PPM1H: variants seen among roughly 807,000 people sequenced by gnomAD.
PPM1H encodes protein phosphatase, Mg2+/Mn2+ dependent 1H.
PPM1H carries 27 observed loss-of-function variants against 54.9 expected under a neutral mutation model. The ratio of observed to expected loss-of-function variants is 0.49; its 90% CI spans 0.36 to 0.68. The LOEUF (loss-of-function observed/expected upper bound fraction) is 0.68, where lower values mean the gene tolerates loss of function less well. PPM1H is among the 30% of genes least tolerant of loss of function. The pLI, the probability that PPM1H is intolerant of heterozygous loss-of-function variation, is 0.00. For synonymous variants in PPM1H, 305 were observed against 270.8 expected (o/e 1.13, Z -1.24); for missense variants, 596 against 667.8 (o/e 0.89, Z 1.19).
At chr12:62,831,718 TGTGTGTGTGTGA>T (rs923622797) in intron 2 of PPM1H, among the ~76,000 whole-genome samples, 10 of 142,074 alleles carry the variant, frequency 7.0e-5, no homozygotes, top group African/African-American at 2.4e-4. Flanking sequence ...TGTGTGTGTG[TGTGTGTGTGTGA>T]GTGTGTGTGT....
intron 8 of PPM1H, among the ~76,000 whole-genome samples, chr12:62,685,854 T>G (rs886850606): frequency 3.3e-5 from 5 of 152,164 alleles, no homozygotes; most frequent in African/African-American, 4.8e-5. Flanking sequence ...TAAACATATA[T>G]CAAAACGTTA....
At chr12:62,834,362 A>G (rs1868438378) in intron 1 of PPM1H, among the ~76,000 whole-genome samples, 1 of 152,236 alleles carries the variant, frequency 6.6e-6, no homozygotes, top group African/African-American at 2.4e-5. Flanking sequence ...GGCTACCTGC[A>G]TGATGGTTAA....
At chr12:62,928,973 G>T (rs1194525143) in intron 1 of PPM1H, among the ~76,000 whole-genome samples, 2 of 152,180 alleles carry the variant, frequency 1.3e-5, no homozygotes, top group Non-Finnish European at 1.5e-5. Flanking sequence ...AGCAGGGAAG[G>T]TCTTGGGCCT....
At chr12:62,722,976 C>T (rs997521139) in intron 5 of PPM1H, among the ~76,000 whole-genome samples, 4 of 152,152 alleles carry the variant, frequency 2.6e-5, no homozygotes, top group African/African-American at 9.7e-5. Context: ...CCCATTGTAA[C>T]CTGAAAATAT....
chr12:62,808,142 T>A (rs1014315863), intron 2 of PPM1H, among the ~76,000 whole-genome samples: 1 of 152,226 alleles, frequency 6.6e-6, no homozygotes, highest in Non-Finnish European at 1.5e-5. Flanking sequence ...ACCCATCCCA[T>A]CATTTAATAA....
At chr12:62,816,780 T>G (rs1480602342) in intron 2 of PPM1H, among the ~76,000 whole-genome samples, 1 of 151,802 alleles carries the variant, frequency 6.6e-6, no homozygotes, top group Non-Finnish European at 1.5e-5. Flanking sequence ...TTTATTGCCC[T>G]TGACAATGTT....
At chr12:62,812,813 C>T (rs3912983) in intron 2 of PPM1H, among the ~76,000 whole-genome samples, 9,769 of 149,478 alleles carry the variant, frequency 0.065, 434 homozygotes, top group Middle Eastern at 0.12. Flanking sequence ...CTGGAAAAGA[C>T]TCCTTGGGCC....
intron 5 of PPM1H, among the ~76,000 whole-genome samples, chr12:62,732,717 G>A (rs1215844419): frequency 1.3e-5 from 2 of 151,368 alleles, no homozygotes; most frequent in Non-Finnish European, 3.0e-5. Context: ...GACTACAGGC[G>A]CCCGCCACTA....
At chr12:62,918,495 C>T (rs889978731) in intron 1 of PPM1H, among the ~76,000 whole-genome samples, 2 of 152,198 alleles carry the variant, frequency 1.3e-5, no homozygotes, top group East Asian at 1.9e-4. Context: ...TGGTAAAGTA[C>T]ATTAAAGTAT....
At chr12:62,720,435 G>A in intron 5 of PPM1H, 146 bp from the exon 6 acceptor site, 6 of 615,958 alleles carry the variant, frequency 9.7e-6, no homozygotes, top group Non-Finnish European at 1.7e-5. Flanking sequence ...AGATTTCAGA[G>A]TTTAAACACT....
chr12:62,933,475 C>G (rs1872217611), intron 1 of PPM1H, among the ~76,000 whole-genome samples: 1 of 152,156 alleles, frequency 6.6e-6, no homozygotes, highest in Non-Finnish European at 1.5e-5. Context: ...AGGGCCAAAA[C>G]TACCGAGGGG....
rs1482204582 is a variant in PPM1H at position 62,646,239 on chromosome 12, A to G, written c.*2250T>C. 1.3e-5 allele frequency: 2 copies of G among 152,234 alleles called. No homozygotes were observed. The highest frequency in any genetic ancestry group is 2.9e-5 in the Non-Finnish European group (2 of 68,044). The allele number at this position is 152,234 out of a possible 1,614,324, so 9.4% of individuals were successfully genotyped here. ...AATATTTCGATTTAGAGGTTTCTAG[A>G]GTTATTCCTGAGACGTGCCATAGCA... On this transcript the variant is annotated 3_prime_UTR_variant, in exon 10 of 10. Transcript: ENST00000228705.
At position 62,694,014 on chromosome 12, in the gene PPM1H, C is replaced by T; in HGVS notation, c.1074-15G>A. ...TTTTGTATGCCCTGTAGGGGATAAACAACATTTTAAAAAAGGTTTGCACTC... is the reference window on the plus strand; with the variant it reads ...TTTTGTATGCCCTGTAGGGGATAAATAACATTTTAAAAAAGGTTTGCACTC... On this transcript the variant is annotated splice_polypyrimidine_tract_variant and intron_variant, in intron 6 of 9. Transcript: ENST00000228705. 1 of 1,607,218 alleles carries T rather than the reference C, an allele frequency of 6.2e-7. No homozygotes were observed. Among genetic ancestry groups the T allele is most frequent in the Non-Finnish European group, 8.5e-7 (1 of 1,176,368 alleles).
chr12:62,833,672 G>A (rs1022104203), intron 1 of PPM1H, among the ~76,000 whole-genome samples: 15 of 152,144 alleles, frequency 9.9e-5, no homozygotes, highest in Non-Finnish European at 1.5e-5. Context: ...AGATGTAAGC[G>A]AGCGTGTTTC....
At chr12:62,755,809 A>G in intron 4 of PPM1H, 1 of 927,412 alleles carries the variant, frequency 1.1e-6, no homozygotes, top group South Asian at 1.4e-5. Flanking sequence ...CCTCTGGGAA[A>G]CTGTGGTGTG....
intron 7 of PPM1H, among the ~76,000 whole-genome samples, chr12:62,692,296 A>T (rs560390310): frequency 6.6e-6 from 1 of 152,348 alleles, no homozygotes; most frequent in Non-Finnish European, 1.5e-5. Context: ...CCACCTGCCC[A>T]TCGCAAGACC....
At chr12:62,678,618 A>G (rs2076000649) in intron 8 of PPM1H, among the ~76,000 whole-genome samples, 2 of 152,208 alleles carry the variant, frequency 1.3e-5, no homozygotes, top group Admixed American at 1.3e-4. Context: ...ATGGAGATGG[A>G]CAGGCCACAT....
rs1024783780 is a variant in PPM1H at position 62,813,927 on chromosome 12, C to T, written c.412-11767G>A. On this transcript the variant is annotated intron_variant, in intron 2 of 9. Coordinates refer to ENST00000228705, the MANE Select transcript of PPM1H (RefSeq NM_020700.2). Reference sequence around the variant, plus strand: ...ACTGTTAGCTGTTGTTATTTTAAAACGTTGCCTTTTCATCTTTATTGCCCT... The same window carrying T: ...ACTGTTAGCTGTTGTTATTTTAAAATGTTGCCTTTTCATCTTTATTGCCCT... 3.3e-5 allele frequency among the ~76,000 whole-genome samples: 5 copies of T among 152,248 alleles called. No individual in the cohort carries two copies. The East Asian group carries it at 7.7e-4, about 23-fold the overall frequency.
chr12:62,720,358 G>A, intron 5 of PPM1H, 69 bp from the exon 6 acceptor site: 2 of 1,271,882 alleles, frequency 1.6e-6, no homozygotes, highest in Non-Finnish European at 2.2e-6. Flanking sequence ...AAGAATCAAG[G>A]ATGTTTTGCA....
Sources: allele counts gnomAD v4.1 joint callset (sites outside exome capture counted in the v4.1 genomes callset), GRCh38; gene constraint gnomAD v4.1.1; transcripts MANE v1.5; gene names NCBI Gene and HGNC (gene_info 2026-07-23, HGNC 2026-07-21).